Variants in EXT1 observed in about 807,000 individuals in gnomAD.
EXT1 encodes the protein exostosin-1.
In EXT1, 20 loss-of-function variants were observed where a neutral mutation model predicts 82.5. That is an observed-to-expected ratio of 0.24 (90% CI 0.17 to 0.35). The LOEUF (loss-of-function observed/expected upper bound fraction) is 0.35. EXT1 is among the 10% of genes least tolerant of loss of function. The probability of loss-of-function intolerance (pLI) is 1.00; values close to 1 mark genes in which losing one functional copy is unlikely to be tolerated. For synonymous variants in EXT1, 348 were observed against 350.8 expected, an observed-to-expected ratio of 0.99 and a Z score of 0.09; for missense variants, 757 against 936.5, an observed-to-expected ratio of 0.81 and a Z score of 2.50.
chr8:118,039,822 T>G lies in EXT1; in HGVS notation c.962+70263A>C, dbSNP rs148731214. Among the ~76,000 whole-genome samples, 414 of 152,286 alleles carry G rather than the reference T, an allele frequency of 2.7e-3. 4 individuals are homozygous for G. The highest frequency in any genetic ancestry group is 9.4e-3 in the African/African-American group (389 of 41,566). ...CTGACTGAGCAGGCCTGATGATTTC[T>G]TCCAGGAATAAATAAATAAACAAGT... On this transcript the variant is annotated intron_variant, in intron 1 of 10. Transcript: ENST00000378204.
chr8:117,887,571 C>T (rs767113815), intron 1 of EXT1, among the ~76,000 whole-genome samples: 15 of 151,964 alleles, frequency 9.9e-5, no homozygotes, highest in Non-Finnish European at 1.5e-5. Flanking sequence ...AGGATGGTCT[C>T]GATCTCTTGA....
In EXT1 at chr8:118,065,967, G is replaced by A. The variant is rs546336095; in HGVS notation, c.962+44118C>T. On this transcript the variant is annotated intron_variant, in intron 1 of 10. Coordinates refer to ENST00000378204, the MANE Select transcript of EXT1 (RefSeq NM_000127.3). ...GAGAAAGAGGAGGTGAGAAGAAACTGGACACAAAAAGTCTAAAGGCCATTC... is the reference window on the plus strand; with the variant it reads ...GAGAAAGAGGAGGTGAGAAGAAACTAGACACAAAAAGTCTAAAGGCCATTC... 2.6e-5 allele frequency among the ~76,000 whole-genome samples: 4 copies of A among 152,246 alleles called. No individual in the cohort carries two copies. In the East Asian group the frequency reaches 5.8e-4, roughly 22 times the overall value.
chr8:117,896,016 ATGT>A (rs1262098519), intron 1 of EXT1, among the ~76,000 whole-genome samples: 4 of 152,222 alleles, frequency 2.6e-5, no homozygotes, highest in Admixed American at 6.5e-5. Context: ...GAAAGCAGTA[ATGT>A]TGTAAAACGT....
chr8:117,856,409 C>A (rs1312635731), intron 1 of EXT1, among the ~76,000 whole-genome samples: 15 of 149,430 alleles, frequency 1.0e-4, no homozygotes, highest in African/African-American at 3.5e-4. Flanking sequence ...CGCCAGCCAC[C>A]ACGCCTGGCT....
At chr8:117,873,332 T>A (rs1436243576) in intron 1 of EXT1, among the ~76,000 whole-genome samples, 4 of 152,072 alleles carry the variant, frequency 2.6e-5, no homozygotes, top group African/African-American at 9.7e-5. Context: ...AAAAGGGTAA[T>A]CTATATATGC....
At chr8:118,030,730 C>T (rs1816296114) in intron 1 of EXT1, among the ~76,000 whole-genome samples, 2 of 152,168 alleles carry the variant, frequency 1.3e-5, no homozygotes, top group Admixed American at 1.3e-4. Context: ...GATCTACCCG[C>T]CTCAGCCTCC....
At chr8:117,996,048 C>A (rs532983776) in intron 1 of EXT1, among the ~76,000 whole-genome samples, 6 of 151,940 alleles carry the variant, frequency 3.9e-5, no homozygotes, top group African/African-American at 1.5e-4. Flanking sequence ...GAAATGGGGT[C>A]TACTGCCCTT....
At chr8:117,834,515 G>C (rs13264956) in intron 3 of EXT1, among the ~76,000 whole-genome samples, 26,320 of 152,120 alleles carry the variant, frequency 0.17, 2,821 homozygotes, top group South Asian at 0.24. Flanking sequence ...TGAGGCAGGA[G>C]AATCGCTTGA....
intron 1 of EXT1, among the ~76,000 whole-genome samples, chr8:117,849,431 A>T (rs1812418381): frequency 1.3e-5 from 2 of 152,236 alleles, no homozygotes; most frequent in East Asian, 3.8e-4. Flanking sequence ...ATGTCAGATT[A>T]TTCAACACTC....
chr8:117,991,649 C>A (rs980615383), intron 1 of EXT1, among the ~76,000 whole-genome samples: 1 of 152,152 alleles, frequency 6.6e-6, no homozygotes, highest in Admixed American at 6.6e-5. Flanking sequence ...GCAACCTCCA[C>A]CTCCCGGGCT....
At chr8:118,040,268 G>C (rs564320584) in intron 1 of EXT1, among the ~76,000 whole-genome samples, 48 of 152,220 alleles carry the variant, frequency 3.2e-4, no homozygotes, top group Non-Finnish European at 6.8e-4. Context: ...TTGTTTCTCA[G>C]AAATGGGAAT....
chr8:117,902,570 G>A (rs1223467495), intron 1 of EXT1, among the ~76,000 whole-genome samples: 2 of 138,032 alleles, frequency 1.4e-5, no homozygotes, highest in Non-Finnish European at 3.2e-5. Context: ...TGTTGACTTG[G>A]CCATGCATTG....
At chr8:117,820,638 AG>A (rs1413065707) in intron 5 of EXT1, among the ~76,000 whole-genome samples, 1 of 152,078 alleles carries the variant, frequency 6.6e-6, no homozygotes, top group African/African-American at 2.4e-5. Context: ...CAGTGAGCCA[AG>A]ATGGTGCCGA....
At chr8:117,889,790 G>C (rs996674404) in intron 1 of EXT1, among the ~76,000 whole-genome samples, 1 of 152,168 alleles carries the variant, frequency 6.6e-6, no homozygotes, top group African/African-American at 2.4e-5. Flanking sequence ...ATGTGCCAAA[G>C]TTATAAAATC....
At chr8:118,029,210 C>T (rs1394420798) in intron 1 of EXT1, among the ~76,000 whole-genome samples, 1 of 152,126 alleles carries the variant, frequency 6.6e-6, no homozygotes, top group African/African-American at 2.4e-5. Context: ...GGGAGGATCG[C>T]TTGAAGCCAG....
rs529736644 is a variant in EXT1 at position 118,049,847 on chromosome 8, C to T, written c.962+60238G>A. 5.3e-5 allele frequency among the ~76,000 whole-genome samples: 8 copies of T among 151,976 alleles called. No individual in the cohort carries two copies. The South Asian group carries it at 6.3e-4, about 12-fold the overall frequency. On this transcript the variant is annotated intron_variant, in intron 1 of 10. Transcript: ENST00000378204. ...TCTGAAGCTGGCGAAGGCAGCCCCACGACCGCCAGGGCTCCCTCGCTGACT... is the reference window on the plus strand; with the variant it reads ...TCTGAAGCTGGCGAAGGCAGCCCCATGACCGCCAGGGCTCCCTCGCTGACT...
intron 1 of EXT1, among the ~76,000 whole-genome samples, chr8:117,876,744 A>C (rs1349606593): frequency 1.3e-5 from 2 of 152,188 alleles, no homozygotes; most frequent in Admixed American, 1.3e-4. Context: ...GACTGACACA[A>C]AATTAAACAA....
chr8:117,970,008 A>G (rs750387538), intron 1 of EXT1, among the ~76,000 whole-genome samples: 1 of 152,214 alleles, frequency 6.6e-6, no homozygotes, highest in African/African-American at 2.4e-5. Flanking sequence ...ACCACAAAAA[A>G]GCCATGAGAA....
chr8:117,929,399 G>A (rs1814009569), intron 1 of EXT1, among the ~76,000 whole-genome samples: 1 of 152,186 alleles, frequency 6.6e-6, no homozygotes, highest in African/African-American at 2.4e-5. Context: ...CTTCCTCCCT[G>A]CTCTTCAATG....
Sources: allele counts gnomAD v4.1 joint callset (sites outside exome capture counted in the v4.1 genomes callset), GRCh38; gene constraint gnomAD v4.1.1; transcripts MANE v1.5; gene names NCBI Gene and HGNC (gene_info 2026-07-23, HGNC 2026-07-21).